INPP5F: variants seen among roughly 807,000 people sequenced by gnomAD.
INPP5F encodes inositol polyphosphate-5-phosphatase F.
INPP5F carries 97 observed loss-of-function variants against 137.2 expected under a neutral mutation model. That is an observed-to-expected ratio of 0.71 (90% CI 0.60 to 0.84). The LOEUF is 0.84. INPP5F is among the 40% of genes least tolerant of loss of function. The probability of loss-of-function intolerance (pLI) is 0.00; values close to 1 mark genes in which losing one functional copy is unlikely to be tolerated. For synonymous variants in INPP5F, 504 were observed against 476.9 expected (o/e 1.06, Z -0.74); for missense variants, 1,271 against 1,371.9 (o/e 0.93, Z 1.16).
Position 119,827,345 on chromosome 10 carries a change from AAATC to A in INPP5F, c.2967_2970del (p.Asn989LysfsTer2). Reference sequence around the variant, plus strand: ...TGTCTCAGCAGGCTAGTCAGGAAAGAAATCAAATGACCAATCAAGTTTCAAATGA... The same window carrying A: ...TGTCTCAGCAGGCTAGTCAGGAAAGAAAATGACCAATCAAGTTTCAAATGA... On this transcript the variant is annotated frameshift_variant, in exon 20 of 20. Coordinates refer to ENST00000650623, the MANE Select transcript of INPP5F (RefSeq NM_014937.4). LOFTEE classifies it high-confidence loss of function. 6.2e-7 allele frequency: 1 copy of A among 1,614,210 alleles called. No individual in the cohort carries two copies. Among genetic ancestry groups the A allele is most frequent in the South Asian group, 1.1e-5 (1 of 91,092 alleles).
chr10:119,810,033 C>G, intron 13 of INPP5F, 67 bp from the exon 14 acceptor site: 1 of 871,810 alleles, frequency 1.1e-6, no homozygotes, highest in South Asian at 1.4e-5. Flanking sequence ...GAACTGAAAG[C>G]CCACAATTTA....
At chr10:119,795,054 G>A (rs1589723452) in intron 6 of INPP5F, among the ~76,000 whole-genome samples, 1 of 135,116 alleles carries the variant, frequency 7.4e-6, no homozygotes, top group Non-Finnish European at 1.6e-5. Flanking sequence ...CTCCCGGATG[G>A]GGCGGCTGGC....
At chr10:119,800,939 C>T (rs1850565624) in intron 9 of INPP5F, among the ~76,000 whole-genome samples, 1 of 101,944 alleles carries the variant, frequency 9.8e-6, no homozygotes, top group African/African-American at 3.5e-5. Flanking sequence ...CAGAGCAACA[C>T]TCTGTCTCAA....
intron 1 of INPP5F, among the ~76,000 whole-genome samples, chr10:119,745,364 T>TC (rs371100493): frequency 1.3e-5 from 2 of 151,790 alleles, no homozygotes; most frequent in African/African-American, 4.8e-5. Context: ...CTTTTTTTTT[T>TC]CTCGATCTCT....
intron 2 of INPP5F, among the ~76,000 whole-genome samples, chr10:119,779,565 G>A (rs1344683218): frequency 6.6e-6 from 1 of 151,906 alleles, no homozygotes. Context: ...GACTACAGGT[G>A]CGTGTCCCAA....
Position 119,810,113 on chromosome 10 carries a change from G to T in INPP5F, c.1583G>T (p.Arg528Met). The T allele has an allele frequency of 6.2e-7, 1 of 1,608,776 alleles. No homozygotes were observed. Among genetic ancestry groups the T allele is most frequent in the Non-Finnish European group, 8.5e-7 (1 of 1,175,562 alleles). The change falls in exon 14 of 20, where the codon AGG (arginine) becomes ATG (methionine). Residue 528 changes from arginine (R) to methionine (M), a missense_variant. Arg to Met is a moderately conservative substitution (Grantham distance 91). Around this residue, in one of 6 missense-constraint regions of INPP5F, gnomAD observed 593 missense variants for 712.4 expected, o/e 0.83. Transcript: ENST00000650623. Reference protein sequence around the residue: ...GTAALKGDFTRTGERKLAGVM... With the variant: ...GTAALKGDFTMTGERKLAGVM... ...TTTGTTTGACAGGGTGACTTTACAA[G>T]GACAGGAGAAAGGAAGTTAGCAGGA...
intron 17 of INPP5F, 117 bp downstream of exon 17, chr10:119,822,621 CTATTAT>C: frequency 3.6e-6 from 2 of 560,824 alleles, no homozygotes; most frequent in Non-Finnish European, 6.4e-6. Context: ...CTTTTCTTCA[CTATTAT>C]TTTCCATTTG....
At chr10:119,798,431 A>G (rs562920743) in intron 8 of INPP5F, 112 bp from the exon 9 acceptor site, 8,414 of 616,768 alleles carry the variant, frequency 0.014, 69 homozygotes, top group Non-Finnish European at 0.018. Context: ...AGACAATCTT[A>G]GTTCATTTGG....
At chr10:119,783,297 CTTG>C (rs1405285614) in intron 3 of INPP5F, among the ~76,000 whole-genome samples, 1 of 152,152 alleles carries the variant, frequency 6.6e-6, no homozygotes, top group Non-Finnish European at 1.5e-5. Flanking sequence ...ATCAGGATGG[CTTG>C]TTATCACAGA....
intron 15 of INPP5F, chr10:119,814,667 A>G (rs548747854): frequency 4.6e-5 from 7 of 152,326 alleles, no homozygotes; most frequent in Admixed American, 3.3e-4. Context: ...ACATGGGGCT[A>G]CCCCTAAAGA....
At chr10:119,820,234 G>A (rs17099321) in intron 15 of INPP5F, among the ~76,000 whole-genome samples, 26,050 of 152,008 alleles carry the variant, frequency 0.17, 2,393 homozygotes, top group South Asian at 0.44. Context: ...TCTAATTCTT[G>A]TTTTCATCAT....
chr10:119,755,872 T>C (rs1212112504), intron 2 of INPP5F, among the ~76,000 whole-genome samples: 1 of 152,172 alleles, frequency 6.6e-6, no homozygotes, highest in African/African-American at 2.4e-5. Flanking sequence ...ATAATAAGCA[T>C]TTCAGCCAGG....
At position 119,760,438 on chromosome 10, in the gene INPP5F, G is replaced by C. The variant is rs138593864; in HGVS notation, c.178+9282G>C. On this transcript the variant is annotated intron_variant, in intron 2 of 19. Coordinates refer to ENST00000650623, the MANE Select transcript of INPP5F (RefSeq NM_014937.4). Reference sequence around the variant, plus strand: ...TGCACTCCAGCCTGGGCAACCTAGTGAGACCCTGTCTCTTAAAGAATAAAA... The same window carrying C: ...TGCACTCCAGCCTGGGCAACCTAGTCAGACCCTGTCTCTTAAAGAATAAAA... 2.1e-3 allele frequency among the ~76,000 whole-genome samples: 327 copies of C among 152,282 alleles called. 3 individuals carry two copies. Among genetic ancestry groups the C allele is most frequent in the African/African-American group, 7.6e-3 (314 of 41,546 alleles).
intron 2 of INPP5F, among the ~76,000 whole-genome samples, chr10:119,761,529 A>T (rs1849008729): frequency 1.3e-5 from 2 of 150,332 alleles, no homozygotes; most frequent in South Asian, 4.2e-4. Context: ...ATAATCAGGG[A>T]TATATGGTGC....
chr10:119,762,961 C>T lies in INPP5F; in HGVS notation c.178+11805C>T, dbSNP rs1162636610. Among the ~76,000 whole-genome samples, 3 of 152,186 alleles carry T rather than the reference C, an allele frequency of 2.0e-5. No individual in the cohort carries two copies. In the East Asian group the frequency reaches 5.8e-4, roughly 29 times the overall value. On this transcript the variant is annotated intron_variant, in intron 2 of 19. Coordinates refer to ENST00000650623, the MANE Select transcript of INPP5F (RefSeq NM_014937.4). The stretch of plus-strand genomic sequence containing the variant: ...AAAATCCGAAGTCTCGTTTAAATAT[C>T]ATCTAACTCAGATGTGGGTGAGACT...
At chr10:119,801,866 C>T (rs1409021860) in intron 9 of INPP5F, among the ~76,000 whole-genome samples, 2 of 152,216 alleles carry the variant, frequency 1.3e-5, no homozygotes, top group Non-Finnish European at 2.9e-5. Context: ...ATAACCGCCT[C>T]CCACACTCAT....
At chr10:119,765,525 T>C (rs1029340275) in intron 2 of INPP5F, among the ~76,000 whole-genome samples, 2 of 150,684 alleles carry the variant, frequency 1.3e-5, no homozygotes, top group African/African-American at 4.9e-5. Flanking sequence ...GTGCACGCCA[T>C]GATACCTGGC....
chr10:119,799,595 G>A lies in INPP5F; in HGVS notation c.1116+985G>A, dbSNP rs372141630. Reference sequence around the variant, plus strand: ...TTTGATGATAAGAATTAAAAGGGGCGAGTATTTAGGTTTTGAAATAACTCT... The same window carrying A: ...TTTGATGATAAGAATTAAAAGGGGCAAGTATTTAGGTTTTGAAATAACTCT... On this transcript the variant is annotated intron_variant, in intron 9 of 19. Transcript: ENST00000650623. Among the ~76,000 whole-genome samples, 4 of 152,262 alleles carry A rather than the reference G, an allele frequency of 2.6e-5. No homozygotes were observed. In the South Asian group the frequency reaches 6.2e-4, roughly 24 times the overall value.
intron 3 of INPP5F, 67 bp downstream of exon 3, chr10:119,781,838 G>T: frequency 7.7e-7 from 1 of 1,301,712 alleles, no homozygotes; most frequent in African/African-American, 1.5e-5. Flanking sequence ...TGAGGATTTG[G>T]TTCAGTAGAC....
Sources: allele counts gnomAD v4.1 joint callset (sites outside exome capture counted in the v4.1 genomes callset), GRCh38; gene constraint gnomAD v4.1.1; regional missense constraint gnomAD v4.1.1; transcripts MANE v1.5; gene names NCBI Gene and HGNC (gene_info 2026-07-23, HGNC 2026-07-21).